The following CLEC16A variants were observed in gnomAD, a reference collection of about 807,000 sequenced individuals.
The protein encoded by CLEC16A is C-type lectin domain containing 16A.
In CLEC16A, 51 loss-of-function variants were observed where a neutral mutation model predicts 109.5. The observed-to-expected ratio is 0.47, with a 90% confidence interval of 0.37 to 0.59. The LOEUF is 0.59. CLEC16A is among the 20% of genes least tolerant of loss of function. The pLI, the probability that CLEC16A is intolerant of heterozygous loss-of-function variation, is 0.00. For synonymous variants in CLEC16A, 673 were observed against 564.2 expected (o/e 1.19, Z -2.73); for missense variants, 1,339 against 1,394.0 (o/e 0.96, Z 0.63).
chr16:11,024,755 G>A, intron 12 of CLEC16A, 66 bp from the exon 13 acceptor site: 2 of 1,268,362 alleles, frequency 1.6e-6, no homozygotes, highest in South Asian at 1.3e-5. Context: ...CCATGTGCAG[G>A]TTAGAGAGGG....
chr16:11,127,382 C>G (rs769581721), intron 22 of CLEC16A, among the ~76,000 whole-genome samples: 7 of 152,196 alleles, frequency 4.6e-5, no homozygotes, highest in Non-Finnish European at 8.8e-5. Context: ...CTTACAGTGT[C>G]ACAGTGAGCA....
Position 11,093,163 on chromosome 16 carries a change from C to A in CLEC16A, c.2117-27452C>A, listed in dbSNP as rs564256856. ...CTTTTGGGGCATCACATGGTGTGCACCCTCATCTCTTATGAATTCAGCTAG... is the reference window on the plus strand; with the variant it reads ...CTTTTGGGGCATCACATGGTGTGCAACCTCATCTCTTATGAATTCAGCTAG... On this transcript the variant is annotated intron_variant, in intron 19 of 23. Coordinates refer to ENST00000409790, the MANE Select transcript of CLEC16A (RefSeq NM_015226.3). 3.9e-5 allele frequency among the ~76,000 whole-genome samples: 6 copies of A among 152,356 alleles called. No individual in the cohort carries two copies. In the South Asian group the frequency reaches 1.2e-3, roughly 32 times the overall value.
intron 19 of CLEC16A, among the ~76,000 whole-genome samples, chr16:11,077,964 CGTGTGTGT>C (rs34576806): frequency 0.023 from 3,186 of 135,590 alleles, 76 homozygotes; most frequent in African/African-American, 0.067. Context: ...CAAAAAAAAA[CGTGTGTGT>C]GTGTGTGTGT....
chr16:11,135,883 A>G (rs1436547562), intron 22 of CLEC16A, among the ~76,000 whole-genome samples: 1 of 152,226 alleles, frequency 6.6e-6, no homozygotes, highest in East Asian at 1.9e-4. Context: ...CGTAGGATAG[A>G]GCTCTCCAGC....
intron 18 of CLEC16A, among the ~76,000 whole-genome samples, chr16:11,057,943 A>G (rs899042499): frequency 6.6e-6 from 1 of 152,258 alleles, no homozygotes; most frequent in Non-Finnish European, 1.5e-5. Context: ...AACCCCGTAC[A>G]GCTGGCATAG....
intron 11 of CLEC16A, among the ~76,000 whole-genome samples, chr16:11,011,974 G>GT: frequency 6.6e-6 from 1 of 152,128 alleles, no homozygotes; most frequent in East Asian, 1.9e-4. Context: ...ACTTAGAGTT[G>GT]TTTATTGCTT....
At chr16:11,027,167 G>T in intron 13 of CLEC16A, 5 of 1,409,684 alleles carry the variant, frequency 3.5e-6, no homozygotes, top group Admixed American at 1.7e-5. Flanking sequence ...AAGGGCTCAG[G>T]TTTAAGCTAC....
At chr16:11,170,059 G>C (rs2068439907) in intron 23 of CLEC16A, among the ~76,000 whole-genome samples, 1 of 152,198 alleles carries the variant, frequency 6.6e-6, no homozygotes, top group African/African-American at 2.4e-5. Flanking sequence ...AGCCTTGGCA[G>C]CCCTAAAGCC....
rs76643198 is a variant in CLEC16A at position 11,016,307 on chromosome 16, C to T, written c.1304-3886C>T. Among the ~76,000 whole-genome samples the T allele has an allele frequency of 2.3e-3, 346 of 151,478 alleles. 2 individuals carry two copies. The highest frequency in any genetic ancestry group is 5.8e-3 in the Admixed American group (89 of 15,226). On this transcript the variant is annotated intron_variant, in intron 11 of 23. Transcript: ENST00000409790. Reference sequence around the variant, plus strand: ...GAAGGGAAAGAGAATTATGTTTCCCCGACAGCAGTCTGCACCACGTTCGAA... The same window carrying T: ...GAAGGGAAAGAGAATTATGTTTCCCTGACAGCAGTCTGCACCACGTTCGAA...
At chr16:11,123,216 A>G (rs965841310) in intron 20 of CLEC16A, among the ~76,000 whole-genome samples, 1 of 152,162 alleles carries the variant, frequency 6.6e-6, no homozygotes, top group African/African-American at 2.4e-5. Flanking sequence ...TCCCTTTCTC[A>G]GGATTAGCTT....
intron 19 of CLEC16A, among the ~76,000 whole-genome samples, chr16:11,069,861 G>C (rs1466899254): frequency 6.6e-6 from 1 of 152,194 alleles, no homozygotes; most frequent in East Asian, 1.9e-4. Flanking sequence ...GTTATTATAA[G>C]TAATCTAGAG....
chr16:10,967,273 C>A (rs2042559003), intron 3 of CLEC16A, among the ~76,000 whole-genome samples: 1 of 152,160 alleles, frequency 6.6e-6, no homozygotes, highest in Non-Finnish European at 1.5e-5. Context: ...TGATTCCCAA[C>A]AGACTGTTGA....
chr16:11,177,080 G>A (rs1166986784), intron 23 of CLEC16A, among the ~76,000 whole-genome samples: 2 of 152,156 alleles, frequency 1.3e-5, no homozygotes, highest in East Asian at 1.9e-4. Flanking sequence ...CTCTTAGCTC[G>A]ATATAGCATC....
At chr16:11,071,600 C>CTTT (rs762936938) in intron 19 of CLEC16A, among the ~76,000 whole-genome samples, 2 of 118,916 alleles carry the variant, frequency 1.7e-5, no homozygotes, top group East Asian at 2.4e-4. Context: ...TATTACGTTT[C>CTTT]TTTTTTTTTT....
At chr16:11,134,005 G>A (rs28461360) in intron 22 of CLEC16A, among the ~76,000 whole-genome samples, 6,343 of 152,056 alleles carry the variant, frequency 0.042, 435 homozygotes, top group African/African-American at 0.15. Flanking sequence ...CATTATTCTT[G>A]TTCGAGCTTC....
chr16:11,075,422 G>C (rs1464785256), intron 19 of CLEC16A, among the ~76,000 whole-genome samples: 1 of 146,528 alleles, frequency 6.8e-6, no homozygotes, highest in South Asian at 2.1e-4. Flanking sequence ...CTGTGTGTGT[G>C]TGTGTATGTG....
At chr16:11,164,368 C>T (rs771900433) in intron 22 of CLEC16A, among the ~76,000 whole-genome samples, 44 of 152,160 alleles carry the variant, frequency 2.9e-4, no homozygotes, top group African/African-American at 1.0e-3. Context: ...GATCTTTAGA[C>T]GAAAACAGCT....
intron 22 of CLEC16A, among the ~76,000 whole-genome samples, chr16:11,131,051 A>G (rs2053174016): frequency 6.6e-6 from 1 of 151,844 alleles, no homozygotes; most frequent in Non-Finnish European, 1.5e-5. Flanking sequence ...CACAAGTTCT[A>G]TTTATTGGCT....
intron 11 of CLEC16A, among the ~76,000 whole-genome samples, chr16:11,004,352 A>G (rs1231877073): frequency 6.6e-6 from 1 of 152,124 alleles, no homozygotes; most frequent in East Asian, 1.9e-4. Flanking sequence ...GGGGAGCTTG[A>G]TACTTGGTAG....
Sources: allele counts gnomAD v4.1 joint callset (sites outside exome capture counted in the v4.1 genomes callset), GRCh38; gene constraint gnomAD v4.1.1; transcripts MANE v1.5; gene names NCBI Gene and HGNC (gene_info 2026-07-23, HGNC 2026-07-21).